RTN1: variants seen among roughly 807,000 people sequenced by gnomAD.
RTN1 encodes reticulon 1.
A neutral mutation model predicts 65.5 loss-of-function variants in RTN1; 25 were observed. The observed-to-expected ratio is 0.38, with a 90% CI of 0.28 to 0.53. The LOEUF (loss-of-function observed/expected upper bound fraction) is 0.53, where lower values mean the gene tolerates loss of function less well. Ranked by LOEUF, RTN1 falls within the 20% of genes least tolerant of loss-of-function variation. The pLI is 0.79. For missense variants in RTN1, 983 were observed against 1,025.4 expected, an observed-to-expected ratio of 0.96 and a Z score of 0.57; for synonymous variants, 471 against 447.6, an observed-to-expected ratio of 1.05 and a Z score of -0.66.
intron 3 of RTN1, among the ~76,000 whole-genome samples, chr14:59,616,157 T>C (rs1456027717): frequency 6.6e-6 from 1 of 152,168 alleles, no homozygotes; most frequent in East Asian, 1.9e-4. Context: ...TTTGGCTTTC[T>C]TTGGTCTATA....
intron 3 of RTN1, among the ~76,000 whole-genome samples, chr14:59,623,493 G>C (rs1195751499): frequency 6.6e-6 from 1 of 152,236 alleles, no homozygotes; most frequent in South Asian, 2.1e-4. Flanking sequence ...GGGATCAAAG[G>C]AAGAGATGGT....
At chr14:59,681,175 T>G (rs1198266203) in intron 3 of RTN1, among the ~76,000 whole-genome samples, 1 of 152,162 alleles carries the variant, frequency 6.6e-6, no homozygotes, top group Non-Finnish European at 1.5e-5. Context: ...CCATATTTAT[T>G]AAATACATCT....
In RTN1 at chr14:59,702,958, C is replaced by A. The variant is rs576084989; in HGVS notation, c.1765+23961G>T. ...CATCAGACAACTCCTGCTTTAGGGC[C>A]TTTACTGCAGTTGTTTCTTCCTCCT... On this transcript the variant is annotated intron_variant, in intron 3 of 8. Coordinates refer to ENST00000267484, the MANE Select transcript of RTN1 (RefSeq NM_021136.3). 2.0e-5 allele frequency among the ~76,000 whole-genome samples: 3 copies of A among 152,294 alleles called. No individual in the cohort carries two copies. In the South Asian group the frequency reaches 6.2e-4, roughly 32 times the overall value.
intron 1 of RTN1, among the ~76,000 whole-genome samples, chr14:59,798,713 A>C (rs1255830631): frequency 3.3e-5 from 5 of 150,186 alleles, no homozygotes; most frequent in Non-Finnish European, 7.4e-5. Context: ...TAATATTCTT[A>C]GCTTAATCAC....
chr14:59,831,375 T>C (rs1472324866), intron 1 of RTN1, among the ~76,000 whole-genome samples: 1 of 152,212 alleles, frequency 6.6e-6, no homozygotes, highest in Non-Finnish European at 1.5e-5. Flanking sequence ...AAAGGATTTC[T>C]TTTGCCTAAC....
rs1884772833 is a variant in RTN1 at position 59,726,913 on chromosome 14, C to CT, written c.1765+5dup. The CT allele has an allele frequency of 6.2e-7, 1 of 1,609,086 alleles. No homozygotes were observed. The highest frequency in any genetic ancestry group is 8.5e-7 in the Non-Finnish European group (1 of 1,177,806). The stretch of plus-strand genomic sequence containing the variant: ...TAACCAAGCATCCCTGCTTGGGATC[C>CT]TTTACCTTTTTGCTTATTGAGAAAC... On this transcript the variant is annotated splice_donor_region_variant and intron_variant, in intron 3 of 8. Transcript: ENST00000267484.
At chr14:59,780,900 G>A (rs569809465) in intron 1 of RTN1, among the ~76,000 whole-genome samples, 1 of 152,234 alleles carries the variant, frequency 6.6e-6, no homozygotes, top group African/African-American at 2.4e-5. Context: ...CGCCTGTCTG[G>A]GAAAGAGAGG....
At chr14:59,817,266 C>G (rs1026688350) in intron 1 of RTN1, among the ~76,000 whole-genome samples, 1 of 151,910 alleles carries the variant, frequency 6.6e-6, no homozygotes, top group African/African-American at 2.4e-5. Flanking sequence ...GTGGTAAGTG[C>G]TATGAAGAAA....
At chr14:59,619,061 T>C (rs1364565900) in intron 3 of RTN1, among the ~76,000 whole-genome samples, 1 of 152,130 alleles carries the variant, frequency 6.6e-6, no homozygotes, top group African/African-American at 2.4e-5. Context: ...AGAAAGAGGA[T>C]GTGGGATGGT....
chr14:59,818,045 A>G (rs1886854426), intron 1 of RTN1, among the ~76,000 whole-genome samples: 1 of 152,176 alleles, frequency 6.6e-6, no homozygotes, highest in African/African-American at 2.4e-5. Flanking sequence ...CCACTCAAGT[A>G]GGCCACAGTG....
chr14:59,682,984 C>T (rs1883775191), intron 3 of RTN1, among the ~76,000 whole-genome samples: 1 of 151,974 alleles, frequency 6.6e-6, no homozygotes, highest in South Asian at 2.1e-4. Flanking sequence ...CATTTTGGTT[C>T]TCGGTTAATA....
At chr14:59,753,026 C>T (rs148994610) in intron 1 of RTN1, among the ~76,000 whole-genome samples, 2,168 of 152,212 alleles carry the variant, frequency 0.014, 29 homozygotes, top group South Asian at 0.039. Flanking sequence ...TCCAACTTTC[C>T]ATGATTTTTA....
At chr14:59,718,223 G>A (rs78039995) in intron 3 of RTN1, among the ~76,000 whole-genome samples, 6,032 of 152,206 alleles carry the variant, frequency 0.04, 398 homozygotes, top group African/African-American at 0.14. Context: ...TTACAGAGAC[G>A]GGGCGGACTC....
chr14:59,602,108 G>T (rs1479643385), intron 8 of RTN1, among the ~76,000 whole-genome samples: 1 of 152,076 alleles, frequency 6.6e-6, no homozygotes, highest in Non-Finnish European at 1.5e-5. Flanking sequence ...ACTTCAGAGG[G>T]AACTGAAGCA....
chr14:59,776,336 T>C (rs1336828817), intron 1 of RTN1, among the ~76,000 whole-genome samples: 1 of 152,122 alleles, frequency 6.6e-6, no homozygotes, highest in African/African-American at 2.4e-5. Flanking sequence ...GTTATTGTGA[T>C]AGTGGGCTTG....
chr14:59,848,534 C>T (rs974256266), intron 1 of RTN1, among the ~76,000 whole-genome samples: 7 of 152,116 alleles, frequency 4.6e-5, no homozygotes, highest in Non-Finnish European at 1.0e-4. Context: ...TCTTATAACT[C>T]ATATAAATAG....
At chr14:59,712,146 T>A (rs1884436600) in intron 3 of RTN1, among the ~76,000 whole-genome samples, 1 of 152,158 alleles carries the variant, frequency 6.6e-6, no homozygotes, top group African/African-American at 2.4e-5. Flanking sequence ...GTTACTGTAG[T>A]ATGGCCTAAC....
chr14:59,798,185 G>A (rs1886473618), intron 1 of RTN1, among the ~76,000 whole-genome samples: 1 of 152,112 alleles, frequency 6.6e-6, no homozygotes, highest in South Asian at 2.1e-4. Flanking sequence ...CTCCAATGAG[G>A]TCAAGTGAAT....
intron 1 of RTN1, among the ~76,000 whole-genome samples, chr14:59,791,927 T>C (rs948086444): frequency 6.6e-6 from 1 of 152,132 alleles, no homozygotes; most frequent in Non-Finnish European, 1.5e-5. Context: ...GGCTGCCTGA[T>C]ATGCAACAGA....
Sources: allele counts gnomAD v4.1 joint callset (sites outside exome capture counted in the v4.1 genomes callset), GRCh38; gene constraint gnomAD v4.1.1; transcripts MANE v1.5; gene names NCBI Gene and HGNC (gene_info 2026-07-23, HGNC 2026-07-21).